DEFB124: variants seen among roughly 807,000 people sequenced by gnomAD.
DEFB124 encodes defensin beta 124.
For synonymous variants in DEFB124, 38 were observed against 36.5 expected, an observed-to-expected ratio of 1.04 and a Z score of -0.15; for missense variants, 78 against 83.1, an observed-to-expected ratio of 0.94 and a Z score of 0.24.
At chr20:31,468,545 G>A (rs1035854038) in intron 2 of DEFB124, among the ~76,000 whole-genome samples, 4 of 151,326 alleles carry the variant, frequency 2.6e-5, no homozygotes, top group Admixed American at 1.3e-4. Flanking sequence ...GCGCAATCAC[G>A]GCTCACTGCA....
intron 2 of DEFB124, 100 bp from the exon 3 acceptor site, chr20:31,465,763 G>A (rs960991186): frequency 7.1e-7 from 1 of 1,405,272 alleles, no homozygotes; most frequent in Admixed American, 2.0e-5. Flanking sequence ...CTGGTCACAA[G>A]TTAGCTCTCT....
chr20:31,468,292 T>C (rs1339935212), intron 2 of DEFB124, among the ~76,000 whole-genome samples: 1 of 152,158 alleles, frequency 6.6e-6, no homozygotes, highest in Non-Finnish European at 1.5e-5. Flanking sequence ...GGAACGATCT[T>C]TCCTCGTATT....
At chr20:31,468,353 G>A (rs1166465650) in intron 2 of DEFB124, among the ~76,000 whole-genome samples, 5 of 152,128 alleles carry the variant, frequency 3.3e-5, no homozygotes, top group African/African-American at 7.2e-5. Context: ...AAATAAGATC[G>A]CTGGAATTTA....
At chr20:31,467,927 G>C (rs28472673) in intron 2 of DEFB124, among the ~76,000 whole-genome samples, 2 of 152,046 alleles carry the variant, frequency 1.3e-5, no homozygotes, top group South Asian at 4.2e-4. Flanking sequence ...TAATCTTTTT[G>C]TTTTTTGTAG....
chr20:31,466,050 G>A (rs935986806), intron 2 of DEFB124, among the ~76,000 whole-genome samples: 9 of 152,012 alleles, frequency 5.9e-5, no homozygotes, highest in East Asian at 1.9e-4. Flanking sequence ...CCAGCTACAC[G>A]GGAGACTGAG....
chr20:31,469,364 A>G (rs1204602040), intron 2 of DEFB124, among the ~76,000 whole-genome samples: 1 of 152,248 alleles, frequency 6.6e-6, no homozygotes, highest in African/African-American at 2.4e-5. Context: ...CAGAGGTTGC[A>G]GTGAGCTGAG....
intron 2 of DEFB124, among the ~76,000 whole-genome samples, chr20:31,470,829 G>A (rs1156270155): frequency 7.1e-6 from 1 of 141,556 alleles, no homozygotes; most frequent in Admixed American, 6.9e-5. Context: ...GCCGGGCGGG[G>A]TGCTGATCCC....
At chr20:31,472,249 G>A (rs1189250478) in intron 2 of DEFB124, among the ~76,000 whole-genome samples, 1 of 152,208 alleles carries the variant, frequency 6.6e-6, no homozygotes, top group Admixed American at 6.5e-5. Flanking sequence ...AAAAAAGTAC[G>A]AAAACCAGTC....
intron 2 of DEFB124, among the ~76,000 whole-genome samples, chr20:31,470,186 C>T (rs1429127615): frequency 2.1e-5 from 3 of 140,370 alleles, no homozygotes; most frequent in Admixed American, 6.9e-5. Flanking sequence ...CCGGACGGGG[C>T]GGCTGGCCGG....
chr20:31,472,560 C>T, intron 2 of DEFB124: 1 of 188,576 alleles, frequency 5.3e-6, no homozygotes, highest in East Asian at 1.5e-4. Context: ...ACACACCACT[C>T]TAACCCCTTC....
intron 2 of DEFB124, among the ~76,000 whole-genome samples, chr20:31,470,046 CTCCCGG>C: frequency 7.4e-6 from 1 of 134,906 alleles, no homozygotes; most frequent in Non-Finnish European, 1.6e-5. Flanking sequence ...CGCCCCTCAC[CTCCCGG>C]ACGGGGCGGC....
intron 2 of DEFB124, among the ~76,000 whole-genome samples, chr20:31,468,715 T>C (rs535773999): frequency 6.6e-6 from 1 of 152,078 alleles, no homozygotes; most frequent in Non-Finnish European, 1.5e-5. Context: ...GACCTCATGA[T>C]CCACCCGCCT....
intron 2 of DEFB124, chr20:31,472,631 C>A: frequency 3.5e-6 from 1 of 289,554 alleles, no homozygotes; most frequent in Non-Finnish European, 6.5e-6. Context: ...CACTTATTTT[C>A]TATCTCCACC....
intron 2 of DEFB124, among the ~76,000 whole-genome samples, chr20:31,471,090 A>AC (rs556106256): frequency 2.9e-4 from 21 of 73,078 alleles, no homozygotes; most frequent in Non-Finnish European, 3.5e-4. Flanking sequence ...CGTGGGGCTG[A>AC]CCCCCCCACC....
intron 2 of DEFB124, 55 bp downstream of exon 2, chr20:31,472,901 T>C: frequency 6.3e-7 from 1 of 1,578,520 alleles, no homozygotes; most frequent in Middle Eastern, 1.7e-4. Context: ...GTCCTCATTT[T>C]TACAAGCACA....
intron 2 of DEFB124, among the ~76,000 whole-genome samples, chr20:31,470,193 C>T: frequency 7.0e-6 from 1 of 143,488 alleles, no homozygotes; most frequent in South Asian, 2.2e-4. Context: ...GGGCGGCTGG[C>T]CGGGCGGGGG....
rs968066033 is a variant in DEFB124, at chr20:31,469,638, G to T, written c.58+3318C>A. ...GTCCCTGGGTACTTGAGATTAGGGA[G>T]TGGTGATGATTCTTAACGAGCATGC... On this transcript the variant is annotated intron_variant, in intron 2 of 2. Coordinates refer to ENST00000317676, the MANE Select transcript of DEFB124 (RefSeq NM_001037500.2). 5.0e-4 allele frequency among the ~76,000 whole-genome samples: 74 copies of T among 149,204 alleles called. No homozygotes were observed. In the South Asian group the frequency reaches 7.9e-3, roughly 16 times the overall value.
intron 1 of DEFB124, 99 bp from the exon 2 acceptor site, chr20:31,473,137 C>T: frequency 9.0e-7 from 1 of 1,114,722 alleles, no homozygotes; most frequent in South Asian, 1.5e-5. Context: ...CTGTGGGCAG[C>T]AGGCCTAAGT....
At chr20:31,466,779 G>A (rs1324515550) in intron 2 of DEFB124, among the ~76,000 whole-genome samples, 1 of 151,802 alleles carries the variant, frequency 6.6e-6, no homozygotes, top group African/African-American at 2.4e-5. Flanking sequence ...CCAAACATGG[G>A]CAATGGAAAA....
Sources: allele counts gnomAD v4.1 joint callset (sites outside exome capture counted in the v4.1 genomes callset), GRCh38; gene constraint gnomAD v4.1.1; transcripts MANE v1.5; gene names NCBI Gene and HGNC (gene_info 2026-07-23, HGNC 2026-07-21).